NEBL: variants seen among roughly 807,000 people sequenced by gnomAD.
NEBL encodes LIM and SH3 protein 2.
NEBL carries 122 observed loss-of-function variants against 140.2 expected under a neutral mutation model. The observed-to-expected ratio is 0.87, with a 90% CI of 0.75 to 1.01. The LOEUF (loss-of-function observed/expected upper bound fraction) is 1.01, where lower values mean the gene tolerates loss of function less well. Ranked by LOEUF, NEBL falls within the 50% of genes least tolerant of loss-of-function variation. The probability of loss-of-function intolerance (pLI) is 0.00; values close to 1 mark genes in which losing one functional copy is unlikely to be tolerated. For missense variants in NEBL, 1,365 were observed against 1,231.3 expected (o/e 1.11, Z -1.62); for synonymous variants, 436 against 398.9 (o/e 1.09, Z -1.11).
At chr10:21,080,495 C>G (rs1410889137) in intron 2 of NEBL, among the ~76,000 whole-genome samples, 1 of 152,230 alleles carries the variant, frequency 6.6e-6, no homozygotes, top group Non-Finnish European at 1.5e-5. Flanking sequence ...AATTCAACAA[C>G]TATTCTGTTG....
At chr10:21,110,624 G>A (rs964778900) in intron 2 of NEBL, 1 of 363,060 alleles carries the variant, frequency 2.8e-6, no homozygotes, top group African/African-American at 2.1e-5. Context: ...CTTCTCTGGA[G>A]CAGTAATCAT....
At chr10:21,171,121 A>T (rs553574443) in intron 2 of NEBL, among the ~76,000 whole-genome samples, 1 of 152,232 alleles carries the variant, frequency 6.6e-6, no homozygotes, top group South Asian at 2.1e-4. Context: ...AGATCACCTG[A>T]GGTCCAGAGT....
intron 2 of NEBL, among the ~76,000 whole-genome samples, chr10:21,037,083 C>A (rs1834044647): frequency 6.6e-6 from 1 of 152,122 alleles, no homozygotes. Context: ...CATTCCCAGT[C>A]AAGTCTAAAA....
intron 4 of NEBL, among the ~76,000 whole-genome samples, chr10:20,940,788 T>G (rs2131565064): frequency 6.6e-6 from 1 of 151,888 alleles, no homozygotes; most frequent in African/African-American, 2.4e-5. Flanking sequence ...CAAACTACCA[T>G]CAGAGAATAC....
At chr10:21,043,153 G>T (rs948990883) in intron 2 of NEBL, among the ~76,000 whole-genome samples, 1 of 152,096 alleles carries the variant, frequency 6.6e-6, no homozygotes, top group Non-Finnish European at 1.5e-5. Flanking sequence ...ATCTTAAAAA[G>T]GGTCTCAGAC....
intron 2 of NEBL, among the ~76,000 whole-genome samples, chr10:21,037,666 T>C (rs1347129433): frequency 6.6e-6 from 1 of 152,020 alleles, no homozygotes; most frequent in Non-Finnish European, 1.5e-5. Context: ...AGAATCATAT[T>C]CCAAAAATAA....
rs547652650 is a variant in NEBL at position 21,100,126 on chromosome 10, T to C, written c.164+72257A>G. 3.9e-5 allele frequency among the ~76,000 whole-genome samples: 6 copies of C among 152,328 alleles called. No individual in the cohort carries two copies. The South Asian group carries it at 1.2e-3, about 32-fold the overall frequency. ...CAGTCAAAAACTTCCATTTCCAGAC[T>C]GCCCGGCCATCACATTCTATTGACT... is the stretch of plus-strand genomic sequence containing the variant. On this transcript the variant is annotated intron_variant, in intron 2 of 6. Coordinates refer to the NEBL transcript ENST00000417816.
At chr10:21,110,238 T>G (rs1445638231) in intron 2 of NEBL, among the ~76,000 whole-genome samples, 1 of 152,178 alleles carries the variant, frequency 6.6e-6, no homozygotes, top group African/African-American at 2.4e-5. Context: ...GAATTGATAC[T>G]TTTTCCTTCA....
chr10:21,257,102 C>G (rs1842667329), intron 1 of NEBL, among the ~76,000 whole-genome samples: 1 of 152,194 alleles, frequency 6.6e-6, no homozygotes, highest in African/African-American at 2.4e-5. Context: ...TATCAGCATA[C>G]TTCTGCTCCT....
At chr10:20,793,371 C>G in intron 26 of NEBL, 3 of 978,220 alleles carry the variant, frequency 3.1e-6, no homozygotes, top group Non-Finnish European at 3.6e-6. Context: ...GCAGGAGCAA[C>G]AAACCCTGGA....
chr10:20,831,279 C>A lies in NEBL; in HGVS notation c.1588G>T (p.Glu530Ter), dbSNP rs1164066773. ...ACTTGCATTCCTTTCCCTTTAATTT[C>A]ATTTTCTAAGTCCTTCTTGTATTGT... Reference protein sequence around the residue: ...QKQYKKDLENEIKGKGMQVSM... With the variant: ...QKQYKKDLEN The change falls in exon 16 of 28, where the codon GAA (glutamate) becomes TAA (stop). Residue 530 changes from glutamate to a stop codon, truncating the protein, a stop_gained. Transcript: ENST00000377122. LOFTEE classifies it high-confidence loss of function. 9 of 1,612,480 alleles carry A rather than the reference C, an allele frequency of 5.6e-6. No individual in the cohort carries two copies. Among genetic ancestry groups the A allele is most frequent in the Non-Finnish European group, 7.6e-6 (9 of 1,179,104 alleles).
intron 4 of NEBL, among the ~76,000 whole-genome samples, chr10:20,912,360 G>A (rs1848364311): frequency 6.6e-6 from 1 of 152,166 alleles, no homozygotes; most frequent in South Asian, 2.1e-4. Flanking sequence ...GCCGAAGTGG[G>A]AGGATCACTT....
chr10:21,280,868 T>G (rs12259579), intron 1 of NEBL, among the ~76,000 whole-genome samples: 59,955 of 151,930 alleles, frequency 0.39, 14,865 homozygotes, highest in African/African-American at 0.71. Context: ...GCCCACATCG[T>G]CTTCCCAAAG....
At chr10:21,076,444 C>CA (rs56013237) in intron 2 of NEBL, among the ~76,000 whole-genome samples, 1,377 of 50,002 alleles carry the variant, frequency 0.028, 206 homozygotes, top group Non-Finnish European at 0.038. Context: ...GACTCAGTTT[C>CA]AAAAAAAAAA....
intron 3 of NEBL, among the ~76,000 whole-genome samples, chr10:21,013,836 C>A (rs1240289052): frequency 1.3e-5 from 2 of 152,266 alleles, no homozygotes; most frequent in East Asian, 3.9e-4. Flanking sequence ...TGAGATCGTG[C>A]CACTGCACTC....
intron 1 of NEBL, among the ~76,000 whole-genome samples, chr10:21,284,636 T>C (rs1843034148): frequency 3.3e-5 from 5 of 152,178 alleles, no homozygotes; most frequent in Admixed American, 2.6e-4. Flanking sequence ...GAGTGCTATA[T>C]AAATGCAAAT....
intron 2 of NEBL, among the ~76,000 whole-genome samples, chr10:21,072,393 G>T (rs111579657): frequency 7.2e-5 from 11 of 152,236 alleles, no homozygotes; most frequent in African/African-American, 2.4e-4. Flanking sequence ...CTCCAAAGAG[G>T]GTCACATTCT....
At chr10:20,864,049 T>A (rs1444422310) in intron 7 of NEBL, among the ~76,000 whole-genome samples, 2 of 152,168 alleles carry the variant, frequency 1.3e-5, no homozygotes, top group Non-Finnish European at 2.9e-5. Context: ...GATTTTTAGG[T>A]TTAAAACCCA....
intron 3 of NEBL, among the ~76,000 whole-genome samples, chr10:21,247,560 A>G (rs1246028032): frequency 2.0e-5 from 3 of 152,162 alleles, no homozygotes; most frequent in East Asian, 1.9e-4. Flanking sequence ...TCACCTCATC[A>G]TCCTCAGCAA....
Sources: gnomAD v4.1 joint callset for allele counts (sites outside exome capture counted in the v4.1 genomes callset) on GRCh38, gnomAD v4.1.1 for gene constraint, MANE v1.5 for transcripts, NCBI Gene and HGNC (gene_info 2026-07-23, HGNC 2026-07-21) for gene names.